Variants in GOLGA4 observed in about 807,000 individuals in gnomAD.
The protein encoded by GOLGA4 is golgin subfamily A member 4.
Under a neutral mutation model 265.9 loss-of-function variants are expected in GOLGA4, and 169 were observed. The ratio of observed to expected loss-of-function variants is 0.64; its 90% CI spans 0.56 to 0.72. GOLGA4 has a LOEUF of 0.72. Among genes scored for constraint, GOLGA4 ranks in the 30% least tolerant of loss-of-function variants. The pLI, the probability that GOLGA4 is intolerant of heterozygous loss-of-function variation, is 0.00. For missense variants in GOLGA4, 2,482 were observed against 2,483.4 expected (o/e 1.00, Z 0.01); for synonymous variants, 923 against 855.8 (o/e 1.08, Z -1.37).
chr3:37,362,562 G>A (rs1578898115), intron 23 of GOLGA4, among the ~76,000 whole-genome samples: 1 of 151,486 alleles, frequency 6.6e-6, no homozygotes, highest in East Asian at 1.9e-4. Context: ...TAAAAAATAA[G>A]TAAAGCCTTT....
intron 20 of GOLGA4, among the ~76,000 whole-genome samples, chr3:37,342,477 CTT>C (rs1440515848): frequency 1.3e-5 from 2 of 152,136 alleles, no homozygotes; most frequent in African/African-American, 4.8e-5. Flanking sequence ...TTTCCCCTGA[CTT>C]TTCTTAATCA....
chr3:37,249,571 T>C (rs2096728480), intron 1 of GOLGA4: 1 of 152,096 alleles, frequency 6.6e-6, no homozygotes, highest in Non-Finnish European at 1.5e-5. Context: ...ACTACTCTTG[T>C]TCATGTTTTT....
chr3:37,309,597 C>A (rs148633747), intron 10 of GOLGA4, among the ~76,000 whole-genome samples: 66 of 152,220 alleles, frequency 4.3e-4, no homozygotes, highest in African/African-American at 1.2e-3. Context: ...ACAAAAAAAA[C>A]CAGTTATAAA....
chr3:37,321,539 G>T, intron 12 of GOLGA4, 192 bp from the exon 13 acceptor site: 1 of 525,340 alleles, frequency 1.9e-6, no homozygotes, highest in Non-Finnish European at 3.4e-6. Flanking sequence ...AGTAATTGTG[G>T]CAATTACCCC....
chr3:37,251,294 T>C, intron 1 of GOLGA4, 101 bp from the exon 2 acceptor site: 1 of 675,694 alleles, frequency 1.5e-6, no homozygotes, highest in Non-Finnish European at 2.6e-6. Flanking sequence ...TTCCTTTCTT[T>C]CACTGAATTC....
chr3:37,323,116 CTT>C (rs567838649), intron 13 of GOLGA4, among the ~76,000 whole-genome samples: 4,188 of 113,948 alleles, frequency 0.037, 127 homozygotes, highest in African/African-American at 0.1. Flanking sequence ...TTCCTTTTGT[CTT>C]TTTTTTTTTT....
intron 10 of GOLGA4, among the ~76,000 whole-genome samples, chr3:37,308,939 G>C (rs2096915019): frequency 1.3e-5 from 2 of 149,140 alleles, no homozygotes; most frequent in Non-Finnish European, 1.5e-5. Context: ...AACAATATTT[G>C]TTTAATTCAT....
intron 10 of GOLGA4, among the ~76,000 whole-genome samples, chr3:37,310,315 G>A (rs1329716110): frequency 6.6e-6 from 1 of 152,108 alleles, no homozygotes; most frequent in Non-Finnish European, 1.5e-5. Flanking sequence ...AGGATGAGGA[G>A]TATCCTAAGA....
chr3:37,316,199 C>CTT (rs34521576), intron 11 of GOLGA4, among the ~76,000 whole-genome samples: 39 of 138,784 alleles, frequency 2.8e-4, no homozygotes, highest in African/African-American at 3.4e-4. Flanking sequence ...TTTTTTTCTG[C>CTT]TTTTTTTTTT....
rs185685377 is a variant in GOLGA4, at chr3:37,288,069, C to A, written c.526-1166C>A. Among the ~76,000 whole-genome samples the A allele has an allele frequency of 1.3e-4, 19 of 151,252 alleles. 1 individual carries two copies. Among genetic ancestry groups the A allele is most frequent in the Admixed American group, 7.9e-4 (12 of 15,210 alleles). On this transcript the variant is annotated intron_variant, in intron 4 of 23. Coordinates refer to ENST00000361924, the MANE Select transcript of GOLGA4 (RefSeq NM_002078.5). Reference sequence around the variant, plus strand: ...CACCCCAGGAAAGGGTGAGTCATTTCATCTCACAATATTACTCTTTTATTA... The same window carrying A: ...CACCCCAGGAAAGGGTGAGTCATTTAATCTCACAATATTACTCTTTTATTA...
intron 20 of GOLGA4, among the ~76,000 whole-genome samples, chr3:37,342,326 A>G (rs1179182092): frequency 6.6e-6 from 1 of 152,208 alleles, no homozygotes; most frequent in Non-Finnish European, 1.5e-5. Context: ...CCTGGGCAAC[A>G]GAGTGCAACT....
chr3:37,295,127 GA>G, intron 6 of GOLGA4, 50 bp downstream of exon 6: 3 of 1,064,102 alleles, frequency 2.8e-6, no homozygotes, highest in Non-Finnish European at 4.2e-6. Flanking sequence ...AAGAAAAATA[GA>G]GGGGGTTTGA....
At chr3:37,278,051 A>G (rs1299201827) in intron 2 of GOLGA4, among the ~76,000 whole-genome samples, 2 of 152,214 alleles carry the variant, frequency 1.3e-5, no homozygotes, top group Admixed American at 6.5e-5. Context: ...AACAAAGTAC[A>G]TTTTTGAAAT....
At chr3:37,247,439 A>G (rs1203749426) in intron 1 of GOLGA4, among the ~76,000 whole-genome samples, 1 of 152,224 alleles carries the variant, frequency 6.6e-6, no homozygotes, top group Non-Finnish European at 1.5e-5. Flanking sequence ...AGGGTGTTGT[A>G]GTTGTGCAAA....
intron 10 of GOLGA4, among the ~76,000 whole-genome samples, chr3:37,305,573 A>G (rs1329755170): frequency 6.6e-6 from 1 of 152,236 alleles, no homozygotes; most frequent in African/African-American, 2.4e-5. Context: ...TAGGATTTCT[A>G]TAAATAGTCT....
In GOLGA4 at chr3:37,340,047, G is replaced by C. The variant is rs1578788253; in HGVS notation, c.6397-77G>C. 3 of 647,742 alleles carry C rather than the reference G, an allele frequency of 4.6e-6. No homozygotes were observed. In the East Asian group the frequency reaches 9.1e-5, roughly 20 times the overall value. 40.1% of individuals were successfully genotyped at this position (647,742 alleles called of 1,614,324 possible). A position where few individuals can be genotyped will look rare whatever the true frequency, so the allele number is the denominator to read the frequency against. On this transcript the variant is annotated intron_variant, in intron 19 of 23. Coordinates refer to ENST00000361924, the MANE Select transcript of GOLGA4 (RefSeq NM_002078.5). ...TGTCTTCAGCATTAAAAAACCTTGT[G>C]GTGACAGCAATCTTTCTTTTTCTTA...
At chr3:37,251,961 C>G (rs9859805) in intron 2 of GOLGA4, among the ~76,000 whole-genome samples, 4 of 152,054 alleles carry the variant, frequency 2.6e-5, no homozygotes, top group African/African-American at 9.7e-5. Context: ...TTGTTGAGAA[C>G]CTTAATTTGA....
At chr3:37,286,375 G>A (rs1352154098) in intron 4 of GOLGA4, among the ~76,000 whole-genome samples, 1 of 150,590 alleles carries the variant, frequency 6.6e-6, no homozygotes, top group East Asian at 1.9e-4. Context: ...GGATGGTCTC[G>A]ATCTCCTGAC....
At chr3:37,257,945 ATATGTATG>A (rs1395928914) in intron 2 of GOLGA4, among the ~76,000 whole-genome samples, 1 of 116,602 alleles carries the variant, frequency 8.6e-6, no homozygotes, top group African/African-American at 3.6e-5. Context: ...ACATACATAT[ATATGTATG>A]TATATATGTA....
Sources: allele counts gnomAD v4.1 joint callset (sites outside exome capture counted in the v4.1 genomes callset), GRCh38; gene constraint gnomAD v4.1.1; transcripts MANE v1.5; gene names NCBI Gene and HGNC (gene_info 2026-07-23, HGNC 2026-07-21).